Variants in C6 observed in about 807,000 individuals in gnomAD.
The protein encoded by C6 is complement C6, also known as complement component C6.
Under a neutral mutation model 112.9 loss-of-function variants are expected in C6, and 101 were observed. The ratio of observed to expected loss-of-function variants is 0.89; its 90% confidence interval spans 0.76 to 1.06. The LOEUF (loss-of-function observed/expected upper bound fraction) is 1.06, where lower values mean the gene tolerates loss of function less well. Among genes scored for constraint, C6 ranks in the 50% least tolerant of loss-of-function variants. The probability of loss-of-function intolerance (pLI) is 0.00; values close to 1 mark genes in which losing one functional copy is unlikely to be tolerated. For missense variants in C6, 1,202 were observed against 1,104.6 expected, an observed-to-expected ratio of 1.09 and a Z score of -1.25; for synonymous variants, 431 against 384.1, an observed-to-expected ratio of 1.12 and a Z score of -1.43.
intron 1 of C6, among the ~76,000 whole-genome samples, chr5:41,209,846 C>T (rs1391939504): frequency 6.6e-6 from 1 of 152,178 alleles, no homozygotes; most frequent in Admixed American, 6.5e-5. Context: ...TGACTTTCTT[C>T]ACAGAATTGG....
rs1206301503 is a variant in C6, at chr5:41,179,394, A to G, written c.927+1965T>C. Among the ~76,000 whole-genome samples the G allele has an allele frequency of 3.3e-5, 5 of 152,130 alleles. No individual in the cohort carries two copies. The East Asian group carries it at 9.6e-4, about 29-fold the overall frequency. The stretch of plus-strand genomic sequence containing the variant: ...ACCTATGTCTCATACAAACATGTCT[A>G]TCTATCTCCCTTCATCATTGACTAT... On this transcript the variant is annotated intron_variant, in intron 7 of 17. Transcript: ENST00000337836.
intron 1 of C6, among the ~76,000 whole-genome samples, chr5:41,225,427 A>G (rs1419875196): frequency 1.3e-5 from 2 of 152,142 alleles, no homozygotes; most frequent in Admixed American, 6.5e-5. Context: ...ATAGTATTCC[A>G]TGGTGTATAT....
intron 9 of C6, among the ~76,000 whole-genome samples, chr5:41,166,988 C>A (rs139030548): frequency 1.5e-4 from 23 of 152,110 alleles, no homozygotes; most frequent in African/African-American, 2.4e-4. Flanking sequence ...TCTTTGCTCA[C>A]TGTTTCTTTA....
At chr5:41,252,601 C>A (rs187276171) in intron 1 of C6, among the ~76,000 whole-genome samples, 2 of 152,304 alleles carry the variant, frequency 1.3e-5, no homozygotes, top group Admixed American at 6.5e-5. Flanking sequence ...TGAAATGGCC[C>A]TGCAAAGCCA....
intron 1 of C6, among the ~76,000 whole-genome samples, chr5:41,228,956 G>A (rs1261128941): frequency 1.3e-5 from 2 of 151,982 alleles, no homozygotes; most frequent in African/African-American, 2.4e-5. Flanking sequence ...TTGCACTTAG[G>A]CTAATGCTTA....
chr5:41,164,610 T>G (rs1286305631), intron 9 of C6, among the ~76,000 whole-genome samples: 1 of 152,174 alleles, frequency 6.6e-6, no homozygotes. Flanking sequence ...TTAAAATGAT[T>G]CAGGAATATT....
chr5:41,210,349 A>T lies in C6; in HGVS notation c.-21+3027T>A, dbSNP rs528484832. On this transcript the variant is annotated intron_variant, in intron 1 of 17. Transcript: ENST00000337836. The stretch of plus-strand genomic sequence containing the variant: ...AAAACACCAAAAGCAATGGCAACAA[A>T]AGCCAAAATTGACAAATGGGATCTA... Among the ~76,000 whole-genome samples the T allele has an allele frequency of 4.7e-3, 718 of 152,316 alleles. 11 individuals are homozygous for T. The highest frequency in any genetic ancestry group is 0.016 in the African/African-American group (679 of 41,550).
At chr5:41,145,029 G>C (rs1745686993) in intron 17 of C6, among the ~76,000 whole-genome samples, 3 of 152,128 alleles carry the variant, frequency 2.0e-5, no homozygotes, top group Admixed American at 2.0e-4. Flanking sequence ...TAATGTAAAT[G>C]GTGCTACAAT....
At chr5:41,246,436 G>T (rs1225365429) in intron 1 of C6, among the ~76,000 whole-genome samples, 1 of 152,100 alleles carries the variant, frequency 6.6e-6, no homozygotes, top group East Asian at 1.9e-4. Flanking sequence ...TTCTTAGTGG[G>T]AGTGCTGTTC....
At chr5:41,260,139 T>A (rs1741955642) in intron 1 of C6, among the ~76,000 whole-genome samples, 1 of 152,176 alleles carries the variant, frequency 6.6e-6, no homozygotes, top group Non-Finnish European at 1.5e-5. Context: ...TCAAAAGTAA[T>A]TCAGATGAAT....
At chr5:41,187,979 A>G (rs985134078) in intron 5 of C6, among the ~76,000 whole-genome samples, 2 of 152,284 alleles carry the variant, frequency 1.3e-5, no homozygotes, top group African/African-American at 4.8e-5. Flanking sequence ...ATTTCCCTAC[A>G]AATAGCAATG....
chr5:41,217,212 A>G (rs1230074310), upstream of C6, among the ~76,000 whole-genome samples: 3 of 152,086 alleles, frequency 2.0e-5, no homozygotes, highest in Non-Finnish European at 4.4e-5. Context: ...ATGCTACATG[A>G]TTCCTCCACC....
Position 41,161,867 on chromosome 5 carries a change from G to A in C6, c.1292-8C>T. On this transcript the variant is annotated splice_region_variant and splice_polypyrimidine_tract_variant and intron_variant, in intron 9 of 17. Transcript: ENST00000337836. Reference sequence around the variant, plus strand: ...CTCCCTGTATAAATGAACCTGCAAGGTGTTTCAATAAAAATGCCCATTTAA... The same window carrying A: ...CTCCCTGTATAAATGAACCTGCAAGATGTTTCAATAAAAATGCCCATTTAA... The A allele has an allele frequency of 6.2e-7, 1 of 1,612,916 alleles. No homozygotes were observed. Among genetic ancestry groups the A allele is most frequent in the African/African-American group, 1.3e-5 (1 of 74,960 alleles).
chr5:41,211,752 T>G (rs1216688829), intron 1 of C6, among the ~76,000 whole-genome samples: 2 of 151,510 alleles, frequency 1.3e-5, no homozygotes, highest in Non-Finnish European at 2.9e-5. Flanking sequence ...TATTAGATGT[T>G]GGACAAGACA....
At chr5:41,255,509 T>C (rs965114754) in intron 1 of C6, among the ~76,000 whole-genome samples, 5 of 152,220 alleles carry the variant, frequency 3.3e-5, no homozygotes, top group African/African-American at 4.8e-5. Flanking sequence ...GTAGTACAAG[T>C]GTGTCTTATG....
At chr5:41,218,073 G>T (rs1469148064), upstream of C6, among the ~76,000 whole-genome samples, 1 of 152,104 alleles carries the variant, frequency 6.6e-6, no homozygotes, top group Non-Finnish European at 1.5e-5. Flanking sequence ...AATATTTACT[G>T]ATTATATACC....
chr5:41,233,810 G>T (rs750894769), intron 1 of C6, among the ~76,000 whole-genome samples: 1 of 151,974 alleles, frequency 6.6e-6, no homozygotes, highest in African/African-American at 2.4e-5. Flanking sequence ...CTCTAGCCAC[G>T]TTAAGTTATT....
chr5:41,225,566 C>A (rs375191758), intron 1 of C6, among the ~76,000 whole-genome samples: 53 of 152,202 alleles, frequency 3.5e-4, no homozygotes, highest in African/African-American at 1.3e-3. Context: ...GATTTATAAT[C>A]CTTTGGGTAT....
chr5:41,246,714 G>T (rs2150432854), intron 1 of C6, among the ~76,000 whole-genome samples: 1 of 152,290 alleles, frequency 6.6e-6, no homozygotes, highest in South Asian at 2.1e-4. Context: ...TTATACTGTT[G>T]TTGTTGGATG....
Sources: allele counts gnomAD v4.1 joint callset (sites outside exome capture counted in the v4.1 genomes callset), GRCh38; gene constraint gnomAD v4.1.1; transcripts MANE v1.5; gene names NCBI Gene and HGNC (gene_info 2026-07-23, HGNC 2026-07-21).